NCOA3: variants seen among roughly 807,000 people sequenced by gnomAD.
NCOA3 encodes CBP-interacting protein.
A neutral mutation model predicts 158.8 loss-of-function variants in NCOA3; 51 were observed. The ratio of observed to expected loss-of-function variants is 0.32; its 90% CI spans 0.26 to 0.41. The LOEUF (loss-of-function observed/expected upper bound fraction) is 0.41. Ranked by LOEUF, NCOA3 falls within the 10% of genes least tolerant of loss-of-function variation. The probability of loss-of-function intolerance (pLI) is 1.00; values close to 1 mark genes in which losing one functional copy is unlikely to be tolerated. For synonymous variants in NCOA3, 537 were observed against 592.4 expected, an observed-to-expected ratio of 0.91 and a Z score of 1.36; for missense variants, 1,510 against 1,746.6, an observed-to-expected ratio of 0.86 and a Z score of 2.41.
chr20:47,653,578 AT>A lies in NCOA3; in HGVS notation c.*165del. ...AGTGATGTCATTTGAGCAGGACTGGATTTTAAGCCGAAGGGCAATATCTACG... is the reference window on the plus strand; with the variant it reads ...AGTGATGTCATTTGAGCAGGACTGGATTTAAGCCGAAGGGCAATATCTACG... On this transcript the variant is annotated 3_prime_UTR_variant, in exon 23 of 23. Transcript: ENST00000371998. 1 of 847,228 alleles carries A rather than the reference AT, an allele frequency of 1.2e-6. No individual in the cohort carries two copies. Among genetic ancestry groups the A allele is most frequent in the Non-Finnish European group, 1.9e-6 (1 of 529,108 alleles). 52.5% of individuals were successfully genotyped at this position (847,228 alleles called of 1,614,324 possible). A position where few individuals can be genotyped will look rare whatever the true frequency, so the allele number is the denominator to read the frequency against.
chr20:47,593,303 C>T (rs2085681105), intron 2 of NCOA3, among the ~76,000 whole-genome samples: 1 of 143,330 alleles, frequency 7.0e-6, no homozygotes, highest in Non-Finnish European at 1.5e-5. Flanking sequence ...CGGAAATTAA[C>T]TCTTTGGAGT....
At chr20:47,647,852 G>A (rs1476939444) in intron 18 of NCOA3, among the ~76,000 whole-genome samples, 1 of 147,674 alleles carries the variant, frequency 6.8e-6, no homozygotes, top group Non-Finnish European at 1.5e-5. Flanking sequence ...TATTGTTTAT[G>A]TCTTCAAACC....
rs1001985178 is a variant in NCOA3 at position 47,613,684 on chromosome 20, C to T, written c.-19-8545C>T. Among the ~76,000 whole-genome samples, 8 of 151,666 alleles carry T rather than the reference C, an allele frequency of 5.3e-5. No individual in the cohort carries two copies. The South Asian group carries it at 1.0e-3, about 20-fold the overall frequency. The stretch of plus-strand genomic sequence containing the variant: ...TCCCAGCACTTTGGGAGGCTGAGGC[C>T]GGTGGATCATGAGGTCAGGAGTTCA... On this transcript the variant is annotated intron_variant, in intron 2 of 22. Coordinates refer to ENST00000371998, the MANE Select transcript of NCOA3 (RefSeq NM_181659.3).
intron 2 of NCOA3, among the ~76,000 whole-genome samples, chr20:47,609,728 C>CAA (rs750713739): frequency 6.2e-5 from 5 of 80,868 alleles, no homozygotes; most frequent in East Asian, 7.4e-4. Flanking sequence ...GACTCCGTCT[C>CAA]AAAAAAAAAA....
At chr20:47,623,866 ATATAT>A (rs1568734007) in intron 3 of NCOA3, 40 bp from the exon 4 acceptor site, 1 of 1,552,248 alleles carries the variant, frequency 6.4e-7, no homozygotes, top group South Asian at 1.2e-5. Flanking sequence ...TTTGTGATAT[ATATAT>A]TATGTCTCCT....
At chr20:47,564,495 A>G (rs1177149497) in intron 1 of NCOA3, among the ~76,000 whole-genome samples, 7 of 152,110 alleles carry the variant, frequency 4.6e-5, no homozygotes, top group Non-Finnish European at 7.3e-5. Context: ...AGGAGCTTGC[A>G]TCAAGTTGGA....
chr20:47,636,815 G>C (rs1292173514), intron 12 of NCOA3, 53 bp downstream of exon 12: 16 of 1,448,600 alleles, frequency 1.1e-5, no homozygotes, highest in Middle Eastern at 3.7e-4. Flanking sequence ...TTCGGTGTTA[G>C]ATAATGTGAT....
intron 13 of NCOA3, 101 bp from the exon 14 acceptor site, chr20:47,638,907 G>T (rs2086560445): frequency 1.0e-6 from 1 of 966,846 alleles, no homozygotes; most frequent in African/African-American, 1.7e-5. Flanking sequence ...GTTTTTGTAA[G>T]AAAGACATTC....
rs1555802260 is a variant in NCOA3, at chr20:47,542,028, TTTG to T, written c.-99+40025_-99+40027del. Among the ~76,000 whole-genome samples the T allele has an allele frequency of 5.5e-4, 45 of 81,744 alleles. 1 individual carries two copies. The highest frequency in any genetic ancestry group is 1.7e-3 in the African/African-American group (35 of 20,060). 53.6% of individuals were successfully genotyped at this position (81,744 alleles called of 152,430 possible). A position where few individuals can be genotyped will look rare whatever the true frequency, so the allele number is the denominator to read the frequency against. On this transcript the variant is annotated intron_variant, in intron 1 of 22. Coordinates refer to ENST00000371998, the MANE Select transcript of NCOA3 (RefSeq NM_181659.3). ...TGTAGAGTTTTTTTTTTTTTTTTTTTTTGTTGTTGTTGTTGTTGGAGGGACAGA... is the reference window on the plus strand; with the variant it reads ...TGTAGAGTTTTTTTTTTTTTTTTTTTTTGTTGTTGTTGTTGGAGGGACAGA...
chr20:47,588,131 CTTTTTT>C (rs33989951), intron 2 of NCOA3, among the ~76,000 whole-genome samples: 957 of 78,508 alleles, frequency 0.012, 27 homozygotes, highest in African/African-American at 0.043. Flanking sequence ...CTCCACCCCA[CTTTTTT>C]TTTTTTTTTT....
chr20:47,612,839 C>T (rs1602485615), intron 2 of NCOA3, among the ~76,000 whole-genome samples: 1 of 152,158 alleles, frequency 6.6e-6, no homozygotes, highest in East Asian at 1.9e-4. Flanking sequence ...CCCTTAACTC[C>T]CTCTGTACAG....
At chr20:47,581,063 C>A (rs1017187252) in intron 1 of NCOA3, among the ~76,000 whole-genome samples, 2 of 151,958 alleles carry the variant, frequency 1.3e-5, no homozygotes, top group Non-Finnish European at 2.9e-5. Flanking sequence ...ACCATACCAC[C>A]ACACTCCAGC....
intron 2 of NCOA3, among the ~76,000 whole-genome samples, chr20:47,600,504 G>GT (rs35329093): frequency 0.22 from 31,881 of 142,872 alleles, 3,939 homozygotes; most frequent in Middle Eastern, 0.32. Flanking sequence ...GCTTAAATGT[G>GT]TTTTTTTTTT....
chr20:47,538,653 T>C (rs2084673733), intron 1 of NCOA3, among the ~76,000 whole-genome samples: 1 of 152,090 alleles, frequency 6.6e-6, no homozygotes, highest in South Asian at 2.1e-4. Context: ...TTCTCCTGCC[T>C]CAGCCTCCTG....
At chr20:47,594,691 A>G (rs1180936454) in intron 2 of NCOA3, among the ~76,000 whole-genome samples, 2 of 139,084 alleles carry the variant, frequency 1.4e-5, no homozygotes, top group African/African-American at 2.6e-5. Context: ...AAAAAAAAAA[A>G]AAAAGAGAAG....
At chr20:47,648,608 G>C (rs779695237) in intron 18 of NCOA3, among the ~76,000 whole-genome samples, 1 of 152,130 alleles carries the variant, frequency 6.6e-6, no homozygotes, top group Non-Finnish European at 1.5e-5. Flanking sequence ...AGGTAGCTGG[G>C]ACTACAGGAG....
intron 19 of NCOA3, among the ~76,000 whole-genome samples, chr20:47,650,410 C>T (rs2086763818): frequency 6.6e-6 from 1 of 151,754 alleles, no homozygotes; most frequent in Admixed American, 6.6e-5. Context: ...ATCACCAAGG[C>T]TGGCTAGTTT....
chr20:47,541,654 G>T (rs935117763), intron 1 of NCOA3, among the ~76,000 whole-genome samples: 1 of 150,246 alleles, frequency 6.7e-6, no homozygotes, highest in African/African-American at 2.5e-5. Flanking sequence ...CTCCTGCCTT[G>T]CAAGGCCTCC....
At position 47,542,335 on chromosome 20, in the gene NCOA3, C is replaced by A. The variant is rs568892443; in HGVS notation, c.-99+40316C>A. On this transcript the variant is annotated intron_variant, in intron 1 of 22. Transcript: ENST00000371998. ...GATTACAGGCACAAGTAACCGTGCC[C>A]GGCTTCCTGTAGAGTTTCTTATTGT... is the stretch of plus-strand genomic sequence containing the variant. Among the ~76,000 whole-genome samples, 6 of 151,988 alleles carry A rather than the reference C, an allele frequency of 3.9e-5. 1 individual carries two copies. Among genetic ancestry groups the A allele is most frequent in the African/African-American group, 1.4e-4 (6 of 41,470 alleles).
Sources: gnomAD v4.1 joint callset for allele counts (sites outside exome capture counted in the v4.1 genomes callset) on GRCh38, gnomAD v4.1.1 for gene constraint, MANE v1.5 for transcripts, NCBI Gene and HGNC (gene_info 2026-07-23, HGNC 2026-07-21) for gene names.